Variants in ANO1 observed in about 807,000 individuals in gnomAD.
The protein encoded by ANO1 is anoctamin-1.
A neutral mutation model predicts 124.0 loss-of-function variants in ANO1; 59 were observed. The ratio of observed to expected loss-of-function variants is 0.48; its 90% CI spans 0.39 to 0.59. ANO1 has a LOEUF of 0.59. ANO1 is among the 20% of genes least tolerant of loss of function. The pLI, the probability that ANO1 is intolerant of heterozygous loss-of-function variation, is 0.00. For synonymous variants in ANO1, 529 were observed against 532.0 expected (o/e 0.99, Z 0.08); for missense variants, 1,059 against 1,328.0 (o/e 0.80, Z 3.15).
intron 1 of ANO1, among the ~76,000 whole-genome samples, chr11:70,033,568 G>A (rs1857042743): frequency 6.6e-6 from 1 of 152,100 alleles, no homozygotes; most frequent in Non-Finnish European, 1.5e-5. Flanking sequence ...TCTTCTCCCT[G>A]TGGCCTTATG....
chr11:70,103,072 A>G lies in ANO1; in HGVS notation c.448A>G (p.Ile150Val), dbSNP rs550717562. ...LELERDEDTK[I>V]HGVGFVKIHA... ...ACTTTCCTTCTCTCTCCAGACTAAA[A>G]TCCACGGAGTCGGGTTTGTGAAAAT... The change falls in exon 3 of 26, where the codon ATC becomes GTC. Residue 150 changes from isoleucine to valine, a missense_variant. This residue lies in a region of ANO1 where 250 missense variants were observed against 233.1 expected (regional missense o/e 1.07). Coordinates refer to ENST00000355303, the MANE Select transcript of ANO1 (RefSeq NM_018043.7). 14 of 1,610,408 alleles carry G rather than the reference A, an allele frequency of 8.7e-6. No homozygotes were observed. In the African/African-American group the frequency reaches 1.3e-4, roughly 15 times the overall value.
intron 1 of ANO1, among the ~76,000 whole-genome samples, chr11:70,062,227 C>A (rs1857602932): frequency 6.6e-6 from 1 of 151,968 alleles, no homozygotes; most frequent in African/African-American, 2.4e-5. Context: ...CAGACGCGTA[C>A]CACCACACCT....
intron 25 of ANO1, among the ~76,000 whole-genome samples, chr11:70,187,311 G>A (rs1168514566): frequency 1.3e-5 from 2 of 152,244 alleles, no homozygotes; most frequent in Non-Finnish European, 2.9e-5. Flanking sequence ...CACCAGAAAT[G>A]TCTCCGTGGA....
At chr11:70,133,920 C>G (rs2046856357) in intron 11 of ANO1, among the ~76,000 whole-genome samples, 1 of 152,228 alleles carries the variant, frequency 6.6e-6, no homozygotes, top group Non-Finnish European at 1.5e-5. Context: ...TGCCTCGGCT[C>G]ACCAACACTG....
chr11:70,095,362 GA>G lies in ANO1; in HGVS notation c.441+7281del, dbSNP rs1394540291. On this transcript the variant is annotated intron_variant, in intron 2 of 25. Coordinates refer to ENST00000355303, the MANE Select transcript of ANO1 (RefSeq NM_018043.7). ...AGAGAAAGAAAAAGAAAGAAAGAAAGAAAGAAAGAAAGAAAGAAAGAAAGAA... is the reference window on the plus strand; with the variant it reads ...AGAGAAAGAAAAAGAAAGAAAGAAAGAAGAAAGAAAGAAAGAAAGAAAGAA... Among the ~76,000 whole-genome samples the G allele has an allele frequency of 9.9e-5, 2 of 20,276 alleles. 1 individual carries two copies. 13.3% of individuals were successfully genotyped at this position (20,276 alleles called of 152,430 possible). A position where few individuals can be genotyped will look rare whatever the true frequency, so the allele number is the denominator to read the frequency against.
chr11:70,171,011 G>A lies in ANO1; in HGVS notation c.2322G>A (p.Arg774=). ...DAKKFVTELR[R]PVAVRAKDIG... is the part of the protein sequence containing the mutation. The stretch of plus-strand genomic sequence containing the variant: ...AAAAGTTTGTCACTGAGCTCCGAAG[G>A]CCGGTAGCTGTCAGAGCCAAAGACA... The change falls in exon 22 of 26, where the codon AGG becomes AGA. Residue 774 remains arginine (R), a synonymous_variant. Coordinates refer to ENST00000355303, the MANE Select transcript of ANO1 (RefSeq NM_018043.7). 1 of 1,612,596 alleles carries A rather than the reference G, an allele frequency of 6.2e-7. No individual in the cohort carries two copies. The highest frequency in any genetic ancestry group is 8.5e-7 in the Non-Finnish European group (1 of 1,179,346).
At chr11:70,114,418 C>T (rs2045902168) in intron 7 of ANO1, among the ~76,000 whole-genome samples, 3 of 152,234 alleles carry the variant, frequency 2.0e-5, no homozygotes, top group Admixed American at 2.0e-4. Context: ...CACCCATGTC[C>T]TTACCCAGAA....
intron 21 of ANO1, among the ~76,000 whole-genome samples, chr11:70,170,438 A>G (rs557280706): frequency 6.6e-6 from 1 of 152,298 alleles, no homozygotes; most frequent in African/African-American, 2.4e-5. Flanking sequence ...CAAAAAATAC[A>G]AAAATTAAGC....
the ANO1 span, among the ~76,000 whole-genome samples, chr11:69,970,713 A>T: frequency 1.2e-4 from 19 of 152,182 alleles, no homozygotes; most frequent in African/African-American, 4.6e-4. Context: ...TGCCACCTTT[A>T]AAAGGGTGGA....
rs144592104 is a variant in ANO1, at chr11:70,164,593, C to T, written c.1951-877C>T. Among the ~76,000 whole-genome samples, 509 of 152,320 alleles carry T rather than the reference C, an allele frequency of 3.3e-3. 5 individuals carry two copies. Among genetic ancestry groups the T allele is most frequent in the African/African-American group, 0.012 (481 of 41,564 alleles). Reference sequence around the variant, plus strand: ...GTTAGGTTTTATTTGGAATGCAGAACAAGTTTACTGTGCCTCAGGGGTCAC... The same window carrying T: ...GTTAGGTTTTATTTGGAATGCAGAATAAGTTTACTGTGCCTCAGGGGTCAC... On this transcript the variant is annotated intron_variant, in intron 19 of 25. Coordinates refer to ENST00000355303, the MANE Select transcript of ANO1 (RefSeq NM_018043.7).
intron 1 of ANO1, among the ~76,000 whole-genome samples, chr11:69,997,066 G>A (rs922113702): frequency 8.1e-5 from 3 of 36,918 alleles, no homozygotes; most frequent in Non-Finnish European, 2.7e-4. Flanking sequence ...TGCTCCCTGG[G>A]TTGTGGGTGG....
At chr11:69,974,801 G>A in the ANO1 span, among the ~76,000 whole-genome samples, 5 of 151,732 alleles carry the variant, frequency 3.3e-5, no homozygotes, top group Non-Finnish European at 7.4e-5. Context: ...GGAGAGCTCT[G>A]CTCTCTGTGG....
chr11:70,179,571 C>G (rs1480459792), intron 22 of ANO1, among the ~76,000 whole-genome samples: 1 of 152,228 alleles, frequency 6.6e-6, no homozygotes, highest in East Asian at 1.9e-4. Flanking sequence ...AGCCAGGGGC[C>G]CTGGCACTGT....
chr11:69,968,551 G>A, the ANO1 span, among the ~76,000 whole-genome samples: 1 of 152,068 alleles, frequency 6.6e-6, no homozygotes, highest in Non-Finnish European at 1.5e-5. Context: ...GAATGACTCC[G>A]GCGTGCTGCC....
intron 1 of ANO1, among the ~76,000 whole-genome samples, chr11:69,993,545 C>A (rs1434934852): frequency 6.6e-6 from 1 of 152,152 alleles, no homozygotes; most frequent in South Asian, 2.1e-4. Flanking sequence ...CCAAAGGTAG[C>A]GTTTGCTTCC....
intron 1 of ANO1, among the ~76,000 whole-genome samples, chr11:70,013,273 G>A (rs1395613863): frequency 6.6e-6 from 1 of 152,164 alleles, no homozygotes; most frequent in African/African-American, 2.4e-5. Flanking sequence ...AGGCCAACAG[G>A]GGCCAGATCA....
intron 1 of ANO1, among the ~76,000 whole-genome samples, chr11:70,025,129 C>A (rs1348881004): frequency 6.6e-6 from 1 of 152,178 alleles, no homozygotes. Flanking sequence ...CAGCTTTGGC[C>A]TCAGATCTGA....
At chr11:70,086,309 C>T (rs1471347699) in intron 1 of ANO1, among the ~76,000 whole-genome samples, 1 of 152,216 alleles carries the variant, frequency 6.6e-6, no homozygotes, top group Non-Finnish European at 1.5e-5. Context: ...CCAAACCCCT[C>T]GGGAATTCCA....
chr11:70,177,578 CTTTTCTTTTTT>C (rs1205720689), intron 22 of ANO1, among the ~76,000 whole-genome samples: 1 of 131,792 alleles, frequency 7.6e-6, no homozygotes, highest in East Asian at 2.2e-4. Flanking sequence ...CTCGATTTTT[CTTTTCTTTTTT>C]TTTTCTTTTT....
Sources: allele counts gnomAD v4.1 joint callset (sites outside exome capture counted in the v4.1 genomes callset), GRCh38; gene constraint gnomAD v4.1.1; regional missense constraint gnomAD v4.1.1; transcripts MANE v1.5; gene names NCBI Gene and HGNC (gene_info 2026-07-23, HGNC 2026-07-21).